Variants in CSMD3 observed in about 807,000 individuals in gnomAD.
The protein encoded by CSMD3 is CUB and sushi domain-containing protein 3.
A neutral mutation model predicts 435.2 loss-of-function variants in CSMD3; 177 were observed. The observed-to-expected ratio is 0.41, with a 90% CI of 0.36 to 0.46. The LOEUF (loss-of-function observed/expected upper bound fraction) is 0.46, where lower values mean the gene tolerates loss of function less well. CSMD3 is among the 20% of genes least tolerant of loss of function. CSMD3 has a pLI of 0.34. For synonymous variants in CSMD3, 1,656 were observed against 1,520.5 expected (o/e 1.09, Z -2.07); for missense variants, 4,265 against 4,504.6 (o/e 0.95, Z 1.52).
chr8:112,724,688 G>A (rs942636431), intron 13 of CSMD3, among the ~76,000 whole-genome samples: 3 of 152,030 alleles, frequency 2.0e-5, no homozygotes, highest in Non-Finnish European at 4.4e-5. Context: ...TGTAAAATGT[G>A]AGACTGCATA....
intron 10 of CSMD3, among the ~76,000 whole-genome samples, chr8:112,920,997 GCACACACACACACACA>G (rs747366512): frequency 4.3e-5 from 5 of 114,976 alleles, no homozygotes; most frequent in African/African-American, 1.5e-4. Context: ...ACGCGCGCGC[GCACACACACACACACA>G]CACACACACA....
intron 7 of CSMD3, among the ~76,000 whole-genome samples, chr8:112,964,907 G>A (rs1471348047): frequency 2.0e-5 from 3 of 151,904 alleles, no homozygotes; most frequent in Admixed American, 6.6e-5. Flanking sequence ...CTAACACCAC[G>A]CTGTTCTGCC....
At chr8:113,263,163 G>A (rs1279282564) in intron 3 of CSMD3, among the ~76,000 whole-genome samples, 6 of 151,906 alleles carry the variant, frequency 3.9e-5, no homozygotes, top group Non-Finnish European at 5.9e-5. Flanking sequence ...TTTGTAACAC[G>A]TGAAATAAAG....
At chr8:112,997,325 T>C in intron 6 of CSMD3, among the ~76,000 whole-genome samples, 1 of 151,722 alleles carries the variant, frequency 6.6e-6, no homozygotes. Context: ...AAATTATGTA[T>C]TCTTGAGCAT....
At chr8:112,583,635 T>G (rs1830497440) in intron 23 of CSMD3, among the ~76,000 whole-genome samples, 1 of 151,936 alleles carries the variant, frequency 6.6e-6, no homozygotes, top group South Asian at 2.1e-4. Flanking sequence ...TATTCCTATA[T>G]GTAAACATTA....
At chr8:112,658,617 G>A (rs992541578) in intron 17 of CSMD3, among the ~76,000 whole-genome samples, 1 of 152,110 alleles carries the variant, frequency 6.6e-6, no homozygotes, top group African/African-American at 2.4e-5. Flanking sequence ...GAGAAGGAAA[G>A]ATAAAGGAAC....
At chr8:113,326,299 T>C (rs896250553) in intron 1 of CSMD3, among the ~76,000 whole-genome samples, 4 of 152,268 alleles carry the variant, frequency 2.6e-5, no homozygotes, top group African/African-American at 7.2e-5. Flanking sequence ...CCAGATGCCA[T>C]CTTGTCTTTT....
intron 46 of CSMD3, among the ~76,000 whole-genome samples, 164 bp from the exon 47 acceptor site, chr8:112,319,114 A>G (rs1271284037): frequency 6.6e-6 from 1 of 152,148 alleles, no homozygotes; most frequent in African/African-American, 2.4e-5. Context: ...TTGAAAAACC[A>G]GTATATAATA....
intron 67 of CSMD3, among the ~76,000 whole-genome samples, chr8:112,236,174 G>A (rs1347624289): frequency 6.6e-6 from 1 of 151,650 alleles, no homozygotes; most frequent in Non-Finnish European, 1.5e-5. Context: ...TAAAATCAAT[G>A]AATATAATTT....
intron 11 of CSMD3, among the ~76,000 whole-genome samples, chr8:112,846,723 A>T (rs1052256246): frequency 1.3e-5 from 2 of 151,698 alleles, no homozygotes; most frequent in Non-Finnish European, 2.9e-5. Context: ...TTCTTTATTG[A>T]TATTTATTTA....
intron 31 of CSMD3, among the ~76,000 whole-genome samples, chr8:112,479,300 T>A (rs1439645456): frequency 6.6e-6 from 1 of 152,072 alleles, no homozygotes; most frequent in Non-Finnish European, 1.5e-5. Flanking sequence ...GGAAGTAGAG[T>A]GTAAACGTTT....
chr8:112,235,113 C>T (rs1341440328), intron 67 of CSMD3, among the ~76,000 whole-genome samples: 1 of 152,116 alleles, frequency 6.6e-6, no homozygotes, highest in Non-Finnish European at 1.5e-5. Flanking sequence ...TACCTGTAAT[C>T]CCAGCACTTT....
chr8:112,865,472 C>A (rs2080951415), intron 10 of CSMD3, among the ~76,000 whole-genome samples: 1 of 151,924 alleles, frequency 6.6e-6, no homozygotes, highest in Non-Finnish European at 1.5e-5. Context: ...AATCTTACTC[C>A]AACAGATTCT....
At chr8:112,253,520 T>C (rs989941769) in intron 63 of CSMD3, among the ~76,000 whole-genome samples, 1 of 151,984 alleles carries the variant, frequency 6.6e-6, no homozygotes, top group Non-Finnish European at 1.5e-5. Context: ...TCACACAGAA[T>C]AGCACAATTT....
At chr8:113,359,257 C>G (rs1329931551) in intron 1 of CSMD3, among the ~76,000 whole-genome samples, 1 of 152,168 alleles carries the variant, frequency 6.6e-6, no homozygotes, top group Non-Finnish European at 1.5e-5. Flanking sequence ...TGGAAAACAA[C>G]AAGTCATAAC....
At chr8:113,233,763 G>C (rs968149386) in intron 3 of CSMD3, among the ~76,000 whole-genome samples, 4 of 151,864 alleles carry the variant, frequency 2.6e-5, no homozygotes, top group African/African-American at 9.7e-5. Context: ...TTGTCTAATA[G>C]CAGACAATGT....
chr8:112,569,222 C>T (rs1257660459), intron 24 of CSMD3, among the ~76,000 whole-genome samples: 1 of 152,100 alleles, frequency 6.6e-6, no homozygotes, highest in Non-Finnish European at 1.5e-5. Context: ...AACTTGTGAC[C>T]ATGTCACCAC....
chr8:113,168,597 T>C (rs556746852), intron 4 of CSMD3, among the ~76,000 whole-genome samples: 3 of 140,268 alleles, frequency 2.1e-5, no homozygotes, highest in Non-Finnish European at 3.1e-5. Context: ...TTACAGTGAA[T>C]AGATAAAACT....
In CSMD3 at chr8:112,268,425, C is replaced by T. The variant is rs141570861; in HGVS notation, c.9509-2835G>A. On this transcript the variant is annotated intron_variant, in intron 59 of 70. Transcript: ENST00000297405. ...TTGTGGTAATTCTAGTCAATCTATG[C>T]CGCTTTAAAACTACTTTCTCTTTTA... is the stretch of plus-strand genomic sequence containing the variant. Among the ~76,000 whole-genome samples, 26 of 152,284 alleles carry T rather than the reference C, an allele frequency of 1.7e-4. No homozygotes were observed. In the East Asian group the frequency reaches 4.2e-3, roughly 25 times the overall value.
Sources: allele counts gnomAD v4.1 joint callset (sites outside exome capture counted in the v4.1 genomes callset), GRCh38; gene constraint gnomAD v4.1.1; transcripts MANE v1.5; gene names NCBI Gene and HGNC (gene_info 2026-07-23, HGNC 2026-07-21).